The following ZC3H7B variants were observed in gnomAD, a reference collection of about 807,000 sequenced individuals.
The protein encoded by ZC3H7B is zinc finger CCCH-type containing 7B.
ZC3H7B carries 35 observed loss-of-function variants against 116.0 expected under a neutral mutation model. The observed-to-expected ratio is 0.30, with a 90% CI of 0.23 to 0.40. ZC3H7B has a LOEUF of 0.40. Among genes scored for constraint, ZC3H7B ranks in the 10% least tolerant of loss-of-function variants. The pLI is 1.00. For synonymous variants in ZC3H7B, 502 were observed against 545.6 expected, an observed-to-expected ratio of 0.92 and a Z score of 1.11; for missense variants, 1,011 against 1,321.5, an observed-to-expected ratio of 0.77 and a Z score of 3.64.
chr22:41,357,508 C>T lies in ZC3H7B; in HGVS notation c.*79C>T. Reference sequence around the variant, plus strand: ...AGAAGGCCTGATAGAAGGGTCAGGGCAGGCCAGGGGGGTGGGGGGCCGCCC... The same window carrying T: ...AGAAGGCCTGATAGAAGGGTCAGGGTAGGCCAGGGGGGTGGGGGGCCGCCC... On this transcript the variant is annotated 3_prime_UTR_variant, in exon 23 of 23. Coordinates refer to ENST00000352645, the MANE Select transcript of ZC3H7B (RefSeq NM_017590.6). The surrounding 1 kb of genome is among the most constrained non-coding windows in gnomAD (Gnocchi z 5.4). 8.9e-7 allele frequency: 1 copy of T among 1,121,696 alleles called. No individual in the cohort carries two copies. 69.5% of individuals were successfully genotyped at this position (1,121,696 alleles called of 1,614,324 possible).
chr22:41,329,714 C>T (rs1162501880), intron 5 of ZC3H7B, among the ~76,000 whole-genome samples: 1 of 152,198 alleles, frequency 6.6e-6, no homozygotes, highest in Non-Finnish European at 1.5e-5. Context: ...ACATTCTTCC[C>T]TTCTACAGTG....
intron 1 of ZC3H7B, among the ~76,000 whole-genome samples, chr22:41,305,714 C>T (rs1430430876): frequency 1.3e-5 from 2 of 152,120 alleles, no homozygotes; most frequent in Non-Finnish European, 2.9e-5. Flanking sequence ...GGTCCCTGAG[C>T]GTGGGGATCT....
intron 1 of ZC3H7B, among the ~76,000 whole-genome samples, chr22:41,313,689 C>G (rs953610611): frequency 1.3e-5 from 2 of 152,152 alleles, no homozygotes; most frequent in Non-Finnish European, 2.9e-5. Flanking sequence ...GTCAACCAGG[C>G]TTTCTTTTCA....
In ZC3H7B at chr22:41,326,824, C is replaced by G. The variant is rs546338330; in HGVS notation, c.286-382C>G. ...ACCCTTGTACACTCTGCACACAGAG[C>G]TGCCTTCATGGTCTCACTGCCTCTT... is the stretch of plus-strand genomic sequence containing the variant. On this transcript the variant is annotated intron_variant, in intron 4 of 22. Coordinates refer to ENST00000352645, the MANE Select transcript of ZC3H7B (RefSeq NM_017590.6). 2.9e-3 allele frequency among the ~76,000 whole-genome samples: 440 copies of G among 152,366 alleles called. 2 individuals carry two copies. The highest frequency in any genetic ancestry group is 0.01 in the African/African-American group (422 of 41,592).
At chr22:41,348,770 A>G (rs1302339090) in intron 15 of ZC3H7B, among the ~76,000 whole-genome samples, 1 of 152,206 alleles carries the variant, frequency 6.6e-6, no homozygotes, top group Non-Finnish European at 1.5e-5. Context: ...AGTGAGGGTA[A>G]TTAAGACTCC....
intron 5 of ZC3H7B, among the ~76,000 whole-genome samples, chr22:41,329,420 G>A (rs2036355153): frequency 6.6e-6 from 1 of 151,666 alleles, no homozygotes; most frequent in Non-Finnish European, 1.5e-5. Flanking sequence ...CACCATGCCC[G>A]GCTAATTTTT....
At chr22:41,355,409 T>G in intron 17 of ZC3H7B, 60 bp from the exon 18 acceptor site, 1 of 1,600,802 alleles carries the variant, frequency 6.2e-7, no homozygotes, top group South Asian at 1.1e-5. Flanking sequence ...GTGTGGAGAC[T>G]CCAGGGCCTC....
At chr22:41,343,304 G>A (rs1167598504) in intron 12 of ZC3H7B, 111 bp from the exon 13 acceptor site, 2 of 1,379,416 alleles carry the variant, frequency 1.4e-6, no homozygotes, top group East Asian at 4.8e-5. Context: ...CCCTCAGAGG[G>A]GAGGTAGGTA....
chr22:41,330,182 G>A, intron 6 of ZC3H7B, 79 bp downstream of exon 6: 1 of 1,460,430 alleles, frequency 6.8e-7, no homozygotes, highest in East Asian at 2.3e-5. Context: ...CCGTGGGGAA[G>A]GTGGGTGAGG....
At chr22:41,308,514 G>A (rs931521700) in intron 1 of ZC3H7B, among the ~76,000 whole-genome samples, 3 of 152,244 alleles carry the variant, frequency 2.0e-5, no homozygotes, top group East Asian at 3.9e-4. Flanking sequence ...TCATTTAATA[G>A]CCTTCAGAAT....
Position 41,351,632 on chromosome 22 carries a change from G to T in ZC3H7B, c.2020G>T (p.Ala674Ser). ...WQQMEAHAGK[A>S]SSSMGAPRTH... ...GCAGATGGAGGCGCATGCGGGGAAG[G>T]CCAGCAGCAGCATGGTAAGGCCTTC... is the stretch of plus-strand genomic sequence containing the variant. The change falls in exon 17 of 23, where the codon GCC (alanine) becomes TCC (serine). Residue 674 changes from alanine (A) to serine (S), a missense_variant. Ala to Ser is a moderately conservative substitution (Grantham distance 99). This residue lies in a region of ZC3H7B where 406 missense variants were observed against 590.2 expected (regional missense o/e 0.69). Transcript: ENST00000352645. This position sits in a 1 kb window ranked among gnomAD's most constrained non-coding sequence, Gnocchi z 5.1. The T allele has an allele frequency of 6.2e-7, 1 of 1,613,898 alleles. No individual in the cohort carries two copies. The highest frequency in any genetic ancestry group is 8.5e-7 in the Non-Finnish European group (1 of 1,179,916).
intron 4 of ZC3H7B, among the ~76,000 whole-genome samples, chr22:41,326,962 C>T (rs550576292): frequency 6.6e-6 from 1 of 152,332 alleles, no homozygotes; most frequent in East Asian, 1.9e-4. Flanking sequence ...CCCTTCCCTG[C>T]AATATCCTGC....
intron 2 of ZC3H7B, among the ~76,000 whole-genome samples, chr22:41,321,826 A>ATTTTTTTTT (rs1601771237): frequency 1.3e-5 from 1 of 76,870 alleles, no homozygotes; most frequent in African/African-American, 6.0e-5. Flanking sequence ...CAAAACTCAC[A>ATTTTTTTTT]TTCTTTTTTT....
chr22:41,347,805 G>A (rs1019481455), intron 14 of ZC3H7B, among the ~76,000 whole-genome samples: 1 of 152,154 alleles, frequency 6.6e-6, no homozygotes, highest in African/African-American at 2.4e-5. Context: ...TTGACATGAA[G>A]TAACCCCCTG....
At chr22:41,316,021 T>C (rs2036178825) in intron 1 of ZC3H7B, among the ~76,000 whole-genome samples, 1 of 151,230 alleles carries the variant, frequency 6.6e-6, no homozygotes, top group Admixed American at 6.6e-5. Context: ...AGTTTCTCCC[T>C]TGTTTCTTGT....
chr22:41,325,784 G>T lies in ZC3H7B; in HGVS notation c.151G>T (p.Asp51Tyr). 1 of 1,613,990 alleles carries T rather than the reference G, an allele frequency of 6.2e-7. No homozygotes were observed. Among genetic ancestry groups the T allele is most frequent in the Non-Finnish European group, 8.5e-7 (1 of 1,180,002 alleles). The change falls in exon 4 of 23, where the codon GAC (aspartate) becomes TAC (tyrosine). Residue 51 changes from aspartate to tyrosine, a missense_variant. Coordinates refer to ENST00000352645, the MANE Select transcript of ZC3H7B (RefSeq NM_017590.6). ...AEGNDLFREK[D>Y]YKQALVQYME... The stretch of plus-strand genomic sequence containing the variant: ...GGGCAATGATCTGTTCCGGGAGAAG[G>T]ACTATAAGCAGGCTCTGGTGCAGTA...
intron 1 of ZC3H7B, among the ~76,000 whole-genome samples, chr22:41,304,607 G>T (rs971610135): frequency 6.6e-6 from 1 of 152,150 alleles, no homozygotes; most frequent in East Asian, 1.9e-4. Context: ...ACAGCTCAAG[G>T]CTACCTGGAA....
chr22:41,344,658 A>G (rs2036563007), intron 13 of ZC3H7B, among the ~76,000 whole-genome samples: 1 of 152,102 alleles, frequency 6.6e-6, no homozygotes, highest in African/African-American at 2.4e-5. Flanking sequence ...CTTGTGCGCC[A>G]AGAGCCTGGC....
rs774333614 is a variant in ZC3H7B, at chr22:41,332,192, C to G, written c.547C>G (p.Leu183Val). 3.7e-6 allele frequency: 6 copies of G among 1,614,228 alleles called. No individual in the cohort carries two copies. The South Asian group carries it at 6.6e-5, about 18-fold the overall frequency. ...GCAGGAATTGGAAACCTTTTCTCTG[C>G]TCAGTAACGGCACTGCGGCTGGCGT... is the stretch of plus-strand genomic sequence containing the variant. ...RPQELETFSLLSNGTAAGVAD... is the reference protein window; with the variant it reads ...RPQELETFSLVSNGTAAGVAD... Residue 183 changes from leucine (L) to valine (V), a missense_variant, in exon 7 of 23, where the codon CTC becomes GTC. Physicochemically the swap from Leu to Val is conservative, Grantham distance 32. This residue lies in a region of ZC3H7B where 322 missense variants were observed against 443.9 expected (regional missense o/e 0.73). Coordinates refer to ENST00000352645, the MANE Select transcript of ZC3H7B (RefSeq NM_017590.6).
Sources: allele counts gnomAD v4.1 joint callset (sites outside exome capture counted in the v4.1 genomes callset), GRCh38; gene constraint gnomAD v4.1.1; regional missense constraint gnomAD v4.1.1; non-coding constraint Gnocchi (gnomAD v3.1); transcripts MANE v1.5; gene names NCBI Gene and HGNC (gene_info 2026-07-23, HGNC 2026-07-21).